MAP3K5: variants seen among roughly 807,000 people sequenced by gnomAD.
MAP3K5 encodes the protein mitogen-activated protein kinase kinase kinase 5.
In MAP3K5, 56 loss-of-function variants were observed where a neutral mutation model predicts 158.7. The observed-to-expected ratio is 0.35, with a 90% CI of 0.28 to 0.44. The LOEUF (loss-of-function observed/expected upper bound fraction) is 0.44, where lower values mean the gene tolerates loss of function less well. MAP3K5 is among the 20% of genes least tolerant of loss of function. MAP3K5 has a pLI of 1.00. For missense variants in MAP3K5, 1,294 were observed against 1,674.8 expected, an observed-to-expected ratio of 0.77 and a Z score of 3.97; for synonymous variants, 579 against 601.7, an observed-to-expected ratio of 0.96 and a Z score of 0.55.
At chr6:136,632,069 G>A (rs939137286) in intron 14 of MAP3K5, among the ~76,000 whole-genome samples, 14 of 152,196 alleles carry the variant, frequency 9.2e-5, no homozygotes, top group African/African-American at 3.1e-4. Flanking sequence ...AGTTTGTGAG[G>A]TTGGGCGTCT....
chr6:136,693,461 A>G (rs1780474613), intron 7 of MAP3K5, among the ~76,000 whole-genome samples: 1 of 152,140 alleles, frequency 6.6e-6, no homozygotes, highest in Admixed American at 6.5e-5. Context: ...GCTGGGGGGA[A>G]TTAAAATCTT....
intron 25 of MAP3K5, among the ~76,000 whole-genome samples, chr6:136,568,946 C>T (rs762109256): frequency 1.0e-4 from 15 of 150,626 alleles, no homozygotes; most frequent in Non-Finnish European, 2.1e-4. Context: ...GAACCACCTA[C>T]CCCCAGGCCA....
chr6:136,657,458 C>G (rs1037507915), intron 9 of MAP3K5, among the ~76,000 whole-genome samples: 2 of 152,156 alleles, frequency 1.3e-5, no homozygotes, highest in African/African-American at 4.8e-5. Context: ...TCAGAATGGT[C>G]ACTGTAAAGA....
intron 1 of MAP3K5, among the ~76,000 whole-genome samples, chr6:136,784,303 T>G (rs1450148153): frequency 1.3e-4 from 20 of 152,172 alleles, no homozygotes; most frequent in Admixed American, 1.3e-3. Context: ...AAAAACTAAT[T>G]TTGTGCTCTG....
At chr6:136,590,581 C>G (rs1775340083) in intron 23 of MAP3K5, among the ~76,000 whole-genome samples, 1 of 151,284 alleles carries the variant, frequency 6.6e-6, no homozygotes, top group Non-Finnish European at 1.5e-5. Flanking sequence ...CCCTCTGTCG[C>G]CCAGGCTGGA....
intron 25 of MAP3K5, among the ~76,000 whole-genome samples, chr6:136,572,995 T>C (rs531514126): frequency 1.3e-5 from 2 of 152,360 alleles, no homozygotes; most frequent in East Asian, 1.9e-4. Flanking sequence ...GTTATATATA[T>C]AATTCACATG....
intron 23 of MAP3K5, among the ~76,000 whole-genome samples, chr6:136,589,380 T>C (rs972879657): frequency 6.6e-6 from 1 of 152,094 alleles, no homozygotes; most frequent in East Asian, 1.9e-4. Flanking sequence ...TAAAAGAGGA[T>C]GAGAAGTGTC....
intron 28 of MAP3K5, among the ~76,000 whole-genome samples, chr6:136,559,221 G>A (rs1312245231): frequency 3.9e-5 from 6 of 152,004 alleles, no homozygotes; most frequent in South Asian, 4.2e-4. Flanking sequence ...GCGTGGTGGC[G>A]TATGCCTGTA....
intron 1 of MAP3K5, among the ~76,000 whole-genome samples, chr6:136,750,991 C>A (rs1470452831): frequency 6.6e-6 from 1 of 152,118 alleles, no homozygotes; most frequent in Non-Finnish European, 1.5e-5. Context: ...CTTTTGGGAC[C>A]CTTCTGAGGT....
At chr6:136,619,400 T>C (rs1228562132) in intron 15 of MAP3K5, among the ~76,000 whole-genome samples, 1 of 152,150 alleles carries the variant, frequency 6.6e-6, no homozygotes, top group East Asian at 1.9e-4. Context: ...TTTTAGGCAG[T>C]AGTGACGTGA....
intron 19 of MAP3K5, among the ~76,000 whole-genome samples, chr6:136,603,143 T>C (rs916890299): frequency 6.6e-6 from 1 of 151,760 alleles, no homozygotes; most frequent in Non-Finnish European, 1.5e-5. Flanking sequence ...TTTTACCTCA[T>C]ACACTCCTCA....
Position 136,792,129 on chromosome 6 carries a change from G to C in MAP3K5, c.29C>G (p.Thr10Ser). 6.3e-7 allele frequency: 1 copy of C among 1,581,730 alleles called. No homozygotes were observed. The highest frequency in any genetic ancestry group is 8.6e-7 in the Non-Finnish European group (1 of 1,166,568). ...GGGGGCGAAGGGTGGCACAGAGAAA[G>C]TGATGCCCTCGTCCGCCTCCGTGCT... MSTEADEGI[T>S]FSVPPFAPSG... The change falls in exon 1 of 30, where the codon ACT (threonine) becomes AGT (serine). Residue 10 changes from threonine to serine, a missense_variant. Around this residue, in one of 5 missense-constraint regions of MAP3K5, gnomAD observed 690 missense variants for 870.5 expected, o/e 0.79. Transcript: ENST00000359015. This position sits in a 1 kb window ranked among gnomAD's most constrained non-coding sequence, Gnocchi z 5.7.
chr6:136,688,164 C>G, intron 7 of MAP3K5, among the ~76,000 whole-genome samples: 1 of 152,126 alleles, frequency 6.6e-6, no homozygotes. Flanking sequence ...CAAACTAACA[C>G]AGGAACAGAA....
intron 11 of MAP3K5, 35 bp from the exon 12 acceptor site, chr6:136,642,604 CA>C: frequency 7.2e-7 from 1 of 1,389,042 alleles, no homozygotes; most frequent in South Asian, 1.2e-5. Flanking sequence ...CTGAGTCATC[CA>C]AATGGAAAAT....
intron 23 of MAP3K5, among the ~76,000 whole-genome samples, chr6:136,591,471 G>A (rs1197553668): frequency 2.0e-5 from 3 of 152,188 alleles, no homozygotes; most frequent in Non-Finnish European, 4.4e-5. Context: ...TTTCTTAAAT[G>A]TATATAGAGT....
intron 10 of MAP3K5, among the ~76,000 whole-genome samples, chr6:136,655,798 A>C (rs1367606570): frequency 6.6e-6 from 1 of 152,116 alleles, no homozygotes; most frequent in African/African-American, 2.4e-5. Flanking sequence ...TGAGCTGCAG[A>C]CCAGAAACTG....
intron 17 of MAP3K5, among the ~76,000 whole-genome samples, chr6:136,612,118 C>T (rs906459458): frequency 1.3e-5 from 2 of 152,184 alleles, no homozygotes; most frequent in African/African-American, 4.8e-5. Context: ...CAGACCCTAG[C>T]CCCCTGCTCA....
intron 24 of MAP3K5, among the ~76,000 whole-genome samples, chr6:136,582,745 T>A (rs1158605202): frequency 2.6e-5 from 4 of 152,232 alleles, no homozygotes; most frequent in Admixed American, 1.3e-4. Flanking sequence ...AATTTTGGAA[T>A]TTAAATAAAA....
chr6:136,748,188 T>C (rs1783044455), intron 1 of MAP3K5, among the ~76,000 whole-genome samples: 2 of 152,226 alleles, frequency 1.3e-5, no homozygotes, highest in Non-Finnish European at 2.9e-5. Flanking sequence ...GTGGACTTAA[T>C]CCCACTTTTC....
Sources: allele counts gnomAD v4.1 joint callset (sites outside exome capture counted in the v4.1 genomes callset), GRCh38; gene constraint gnomAD v4.1.1; regional missense constraint gnomAD v4.1.1; non-coding constraint Gnocchi (gnomAD v3.1); transcripts MANE v1.5; gene names NCBI Gene and HGNC (gene_info 2026-07-23, HGNC 2026-07-21).